DLG2: variants seen among roughly 807,000 people sequenced by gnomAD.
DLG2 encodes the protein disks large homolog 2.
A neutral mutation model predicts 132.5 loss-of-function variants in DLG2; 45 were observed. The observed-to-expected ratio is 0.34, with a 90% confidence interval of 0.27 to 0.44. The LOEUF is 0.44. Ranked by LOEUF, DLG2 falls within the 20% of genes least tolerant of loss-of-function variation. The pLI, the probability that DLG2 is intolerant of heterozygous loss-of-function variation, is 1.00. For missense variants in DLG2, 1,045 were observed against 1,196.9 expected (o/e 0.87, Z 1.87); for synonymous variants, 424 against 419.6 (o/e 1.01, Z -0.13).
chr11:83,542,508 A>G (rs1240313448), intron 19 of DLG2, among the ~76,000 whole-genome samples: 1 of 152,196 alleles, frequency 6.6e-6, no homozygotes, highest in Non-Finnish European at 1.5e-5. Context: ...AAAATCATAT[A>G]AACAACACGA....
intron 17 of DLG2, among the ~76,000 whole-genome samples, chr11:83,810,567 AAATAAAC>A (rs535932081): frequency 1.3e-5 from 2 of 152,138 alleles, no homozygotes; most frequent in East Asian, 3.9e-4. Context: ...TTTGTTTATT[AAATAAAC>A]AACAAACAAA....
intron 22 of DLG2, among the ~76,000 whole-genome samples, chr11:83,482,314 C>G (rs952747923): frequency 1.3e-5 from 2 of 151,850 alleles, no homozygotes; most frequent in Non-Finnish European, 2.9e-5. Context: ...AAATATTGCC[C>G]ATAGCTGTTA....
intron 16 of DLG2, among the ~76,000 whole-genome samples, chr11:83,861,912 G>A (rs1026338518): frequency 2.6e-5 from 4 of 152,144 alleles, no homozygotes; most frequent in Non-Finnish European, 5.9e-5. Flanking sequence ...AAATGCTTGA[G>A]GGGACAGACA....
chr11:84,072,772 T>C (rs1307057356), intron 10 of DLG2, among the ~76,000 whole-genome samples: 3 of 152,198 alleles, frequency 2.0e-5, no homozygotes, highest in Non-Finnish European at 4.4e-5. Context: ...AATGTGGAGA[T>C]GTGGACTTGA....
At chr11:85,167,546 A>G (rs1055328276) in intron 4 of DLG2, among the ~76,000 whole-genome samples, 11 of 152,114 alleles carry the variant, frequency 7.2e-5, no homozygotes, top group African/African-American at 2.7e-4. Flanking sequence ...AGAGGGAAAG[A>G]ACATCCTTGT....
intron 3 of DLG2, among the ~76,000 whole-genome samples, chr11:85,583,087 G>GAT (rs1169657368): frequency 0.026 from 1,319 of 51,062 alleles, 25 homozygotes; most frequent in Non-Finnish European, 0.03. Flanking sequence ...TAATATATGT[G>GAT]ATGTGTGTGT....
At chr11:84,947,126 A>G (rs2050318445) in intron 6 of DLG2, among the ~76,000 whole-genome samples, 1 of 152,206 alleles carries the variant, frequency 6.6e-6, no homozygotes, top group African/African-American at 2.4e-5. Context: ...TGGCAATTCA[A>G]GATGTCTTTG....
chr11:83,718,968 G>T (rs1217321638), intron 18 of DLG2, among the ~76,000 whole-genome samples: 1 of 152,138 alleles, frequency 6.6e-6, no homozygotes, highest in African/African-American at 2.4e-5. Flanking sequence ...CACCAGAGCA[G>T]CAATTCTCAA....
At chr11:84,775,320 T>G in intron 6 of DLG2, among the ~76,000 whole-genome samples, 1 of 152,148 alleles carries the variant, frequency 6.6e-6, no homozygotes, top group Middle Eastern at 3.2e-3. Context: ...TTGTACACCT[T>G]TGGTGGGAAT....
intron 6 of DLG2, among the ~76,000 whole-genome samples, chr11:85,093,180 C>A (rs555186688): frequency 1.3e-5 from 2 of 152,218 alleles, no homozygotes; most frequent in African/African-American, 4.8e-5. Context: ...GTTATTGATT[C>A]AGAAGGTTGC....
chr11:84,595,219 C>A (rs2099553672), intron 6 of DLG2, among the ~76,000 whole-genome samples: 1 of 152,240 alleles, frequency 6.6e-6, no homozygotes, highest in South Asian at 2.1e-4. Context: ...ATCCTCCTAC[C>A]TTTGCCTCCA....
At chr11:83,902,855 A>G (rs1468163200) in intron 15 of DLG2, among the ~76,000 whole-genome samples, 2 of 152,136 alleles carry the variant, frequency 1.3e-5, no homozygotes, top group Non-Finnish European at 2.9e-5. Context: ...CTCTAAATGG[A>G]TAGTGGGCAA....
intron 6 of DLG2, among the ~76,000 whole-genome samples, chr11:84,830,961 C>CG (rs1262079483): frequency 5.5e-5 from 6 of 108,330 alleles, no homozygotes; most frequent in South Asian, 3.9e-4. Context: ...TCCCCCCACC[C>CG]CCCCCAGCTC....
At chr11:85,605,093 T>A (rs889929705) in intron 2 of DLG2, among the ~76,000 whole-genome samples, 3 of 152,246 alleles carry the variant, frequency 2.0e-5, no homozygotes, top group African/African-American at 7.2e-5. Flanking sequence ...GAAATTATTT[T>A]ACATAAATCT....
At chr11:83,597,140 A>T (rs1472823238) in intron 19 of DLG2, among the ~76,000 whole-genome samples, 1 of 152,220 alleles carries the variant, frequency 6.6e-6, no homozygotes, top group East Asian at 1.9e-4. Flanking sequence ...GGATGGATAG[A>T]TACCTACTTC....
chr11:85,021,269 G>A (rs2060041838), intron 6 of DLG2: 7 of 1,298,204 alleles, frequency 5.4e-6, no homozygotes, highest in Admixed American at 3.4e-5. Flanking sequence ...GGAGGTACAC[G>A]TGCTGGGTGA....
chr11:84,396,673 T>C (rs902381883), intron 7 of DLG2, among the ~76,000 whole-genome samples: 1 of 152,236 alleles, frequency 6.6e-6, no homozygotes, highest in Non-Finnish European at 1.5e-5. Context: ...ACTAGGCCTC[T>C]TTCCTGGTGC....
intron 9 of DLG2, among the ~76,000 whole-genome samples, chr11:84,121,807 C>T (rs866936156): frequency 1.3e-5 from 2 of 151,334 alleles, no homozygotes; most frequent in Admixed American, 1.3e-4. Flanking sequence ...GTGATCTGCC[C>T]GCCTCAGCCT....
intron 7 of DLG2, among the ~76,000 whole-genome samples, chr11:84,512,191 T>C (rs2099258952): frequency 6.6e-6 from 1 of 152,106 alleles, no homozygotes; most frequent in South Asian, 2.1e-4. Context: ...CATGAAAATA[T>C]AACAACTTGT....
Sources: allele counts gnomAD v4.1 joint callset (sites outside exome capture counted in the v4.1 genomes callset), GRCh38; gene constraint gnomAD v4.1.1; transcripts MANE v1.5; gene names NCBI Gene and HGNC (gene_info 2026-07-23, HGNC 2026-07-21).